The following PRPSAP1 variants were observed in gnomAD, a reference collection of about 807,000 sequenced individuals.
PRPSAP1 encodes the protein phosphoribosyl pyrophosphate synthase-associated protein 1.
A neutral mutation model predicts 39.4 loss-of-function variants in PRPSAP1; 31 were observed. That is an observed-to-expected ratio of 0.79 (90% confidence interval 0.59 to 1.06). PRPSAP1 has a LOEUF of 1.06. PRPSAP1 is among the 50% of genes least tolerant of loss of function. The pLI is 0.00. For synonymous variants in PRPSAP1, 212 were observed against 192.6 expected (o/e 1.10, Z -0.83); for missense variants, 430 against 511.6 (o/e 0.84, Z 1.54).
chr17:76,328,235 A>G (rs1205539937), intron 7 of PRPSAP1, among the ~76,000 whole-genome samples: 3 of 151,988 alleles, frequency 2.0e-5, no homozygotes, highest in Non-Finnish European at 2.9e-5. Context: ...TTCCATTATT[A>G]AAAAACAACA....
rs1399469956 is a variant in PRPSAP1 at position 76,309,992 on chromosome 17, T to TC, written c.*1549_*1550insG. ...CAAAATAACTAGTTCTTTGCAGTCTTTTTTTTTTTTTGAGATGGAATCTTG... is the reference window on the plus strand; with the variant it reads ...CAAAATAACTAGTTCTTTGCAGTCTTCTTTTTTTTTTTGAGATGGAATCTTG... On this transcript the variant is annotated 3_prime_UTR_variant, in exon 10 of 10. Coordinates refer to ENST00000446526, the MANE Select transcript of PRPSAP1 (RefSeq NM_002766.3). 1 of 148,466 alleles carries TC rather than the reference T, an allele frequency of 6.7e-6. No homozygotes were observed. The highest frequency in any genetic ancestry group is 1.5e-5 in the Non-Finnish European group (1 of 66,608). 9.2% of individuals were successfully genotyped at this position (148,466 alleles called of 1,614,324 possible).
At chr17:76,313,147 C>G (rs529205007) in intron 8 of PRPSAP1, 131 bp from the exon 9 acceptor site, 1 of 1,226,068 alleles carries the variant, frequency 8.2e-7, no homozygotes, top group Non-Finnish European at 1.1e-6. Context: ...AGCTGTGTGC[C>G]TGGGTCAAAG....
At chr17:76,336,387 G>A (rs531916378) in intron 3 of PRPSAP1, among the ~76,000 whole-genome samples, 145 of 146,642 alleles carry the variant, frequency 9.9e-4, no homozygotes, top group African/African-American at 3.4e-3. Context: ...GTAGTGAGCC[G>A]ACATCATACC....
chr17:76,323,959 G>GACCA (rs2071225283), intron 7 of PRPSAP1, among the ~76,000 whole-genome samples: 1 of 149,970 alleles, frequency 6.7e-6, no homozygotes, highest in Non-Finnish European at 1.5e-5. Flanking sequence ...CAGCGTGGCT[G>GACCA]ACATGGTAAA....
At chr17:76,328,645 A>G in intron 7 of PRPSAP1, 72 bp downstream of exon 7, 1 of 1,531,304 alleles carries the variant, frequency 6.5e-7, no homozygotes, top group South Asian at 1.2e-5. Context: ...AACAACAACA[A>G]AACCAACAAA....
intron 3 of PRPSAP1, among the ~76,000 whole-genome samples, chr17:76,334,532 C>T (rs1038337508): frequency 6.6e-6 from 1 of 152,198 alleles, no homozygotes; most frequent in Admixed American, 6.5e-5. Flanking sequence ...TTTATTCTGA[C>T]AATGTTTTCC....
At chr17:76,329,667 C>T (rs1297175565) in intron 6 of PRPSAP1, among the ~76,000 whole-genome samples, 2 of 150,442 alleles carry the variant, frequency 1.3e-5, no homozygotes, top group African/African-American at 2.5e-5. Context: ...ACCCAGGAGG[C>T]GGAGGTTGCA....
intron 8 of PRPSAP1, 87 bp from the exon 9 acceptor site, chr17:76,313,103 A>T: frequency 1.4e-6 from 2 of 1,437,060 alleles, no homozygotes; most frequent in Non-Finnish European, 1.9e-6. Flanking sequence ...TCTCTTCTGC[A>T]CTCAGTTTCA....
chr17:76,330,806 CTTGA>C, intron 4 of PRPSAP1, 140 bp from the exon 5 acceptor site: 2 of 532,834 alleles, frequency 3.8e-6, no homozygotes, highest in Non-Finnish European at 6.6e-6. Flanking sequence ...CAGTCACAGG[CTTGA>C]TTGTTAACCT....
chr17:76,329,434 C>A (rs2071294963), intron 6 of PRPSAP1, among the ~76,000 whole-genome samples: 1 of 152,148 alleles, frequency 6.6e-6, no homozygotes, highest in South Asian at 2.1e-4. Flanking sequence ...GAAAGAACAA[C>A]GTTAAAAACC....
At position 76,319,065 on chromosome 17, in the gene PRPSAP1, A is replaced by G. The variant is rs1031265583; in HGVS notation, c.782-5174T>C. Among the ~76,000 whole-genome samples the G allele has an allele frequency of 8.6e-5, 13 of 151,500 alleles. No individual in the cohort carries two copies. In the South Asian group the frequency reaches 1.9e-3, roughly 22 times the overall value. Reference sequence around the variant, plus strand: ...AGCGATTCTCCTGCCTCAGCCTCCCAAGTAGCTGGGATTACAGATGTGTGC... The same window carrying G: ...AGCGATTCTCCTGCCTCAGCCTCCCGAGTAGCTGGGATTACAGATGTGTGC... On this transcript the variant is annotated intron_variant, in intron 7 of 9. Coordinates refer to ENST00000446526, the MANE Select transcript of PRPSAP1 (RefSeq NM_002766.3).
At chr17:76,347,843 T>C (rs929735654) in intron 2 of PRPSAP1, among the ~76,000 whole-genome samples, 1 of 151,976 alleles carries the variant, frequency 6.6e-6, no homozygotes, top group African/African-American at 2.4e-5. Flanking sequence ...AAGGGTCAGA[T>C]ATAAGATGTA....
At chr17:76,334,951 C>T (rs1350274285) in intron 3 of PRPSAP1, among the ~76,000 whole-genome samples, 1 of 152,150 alleles carries the variant, frequency 6.6e-6, no homozygotes, top group Non-Finnish European at 1.5e-5. Flanking sequence ...TTGAGGCAAG[C>T]ACTGTGGTAG....
rs1416390523 is a variant in PRPSAP1 at position 76,353,738 on chromosome 17, C to T, written c.-35G>A. On this transcript the variant is annotated 5_prime_UTR_variant, in exon 1 of 10. Transcript: ENST00000446526. ...CGCGGCGCGGTTACGACCGGCCCCG[C>T]GCGGGGCTGCACTCTGAGTGCTTCC... 1 of 1,430,404 alleles carries T rather than the reference C, an allele frequency of 7.0e-7. No homozygotes were observed. Among genetic ancestry groups the T allele is most frequent in the East Asian group, 2.8e-5 (1 of 35,156 alleles). 88.6% of individuals were successfully genotyped at this position (1,430,404 alleles called of 1,614,324 possible).
intron 3 of PRPSAP1, among the ~76,000 whole-genome samples, chr17:76,343,943 G>A (rs925471357): frequency 4.0e-5 from 6 of 151,890 alleles, no homozygotes; most frequent in Non-Finnish European, 7.4e-5. Flanking sequence ...ACATGCAAAC[G>A]AATGTATAAC....
chr17:76,324,733 T>G (rs914440569), intron 7 of PRPSAP1, among the ~76,000 whole-genome samples: 2 of 152,080 alleles, frequency 1.3e-5, no homozygotes, highest in African/African-American at 4.8e-5. Flanking sequence ...CTCTTGCCTG[T>G]AATCCCAGCT....
intron 9 of PRPSAP1, among the ~76,000 whole-genome samples, chr17:76,312,322 A>G (rs989785563): frequency 6.6e-6 from 1 of 152,032 alleles, no homozygotes; most frequent in Admixed American, 6.6e-5. Flanking sequence ...GTGTAATCCC[A>G]GTTACTTGGG....
At chr17:76,344,427 C>T (rs1163964653) in intron 3 of PRPSAP1, among the ~76,000 whole-genome samples, 1 of 152,158 alleles carries the variant, frequency 6.6e-6, no homozygotes, top group African/African-American at 2.4e-5. Flanking sequence ...TCGTGCCCAG[C>T]CAGCAATTTC....
At chr17:76,330,255 T>A in intron 5 of PRPSAP1, 157 bp from the exon 6 acceptor site, 1 of 652,170 alleles carries the variant, frequency 1.5e-6, no homozygotes, top group Non-Finnish European at 2.6e-6. Flanking sequence ...ATTTATCAAT[T>A]AACATCACTG....
Sources: gnomAD v4.1 joint callset for allele counts (sites outside exome capture counted in the v4.1 genomes callset) on GRCh38, gnomAD v4.1.1 for gene constraint, MANE v1.5 for transcripts, NCBI Gene and HGNC (gene_info 2026-07-23, HGNC 2026-07-21) for gene names.